The following ADGRV1 variants were observed in gnomAD, a reference collection of about 807,000 sequenced individuals.
The protein encoded by ADGRV1 is G-protein coupled receptor 98.
A neutral mutation model predicts 596.2 loss-of-function variants in ADGRV1; 359 were observed. The ratio of observed to expected loss-of-function variants is 0.60; its 90% CI spans 0.55 to 0.66. The LOEUF (loss-of-function observed/expected upper bound fraction) is 0.66. Ranked by LOEUF, ADGRV1 falls within the 30% of genes least tolerant of loss-of-function variation. The pLI, the probability that ADGRV1 is intolerant of heterozygous loss-of-function variation, is 0.00. For missense variants in ADGRV1, 7,274 were observed against 7,575.6 expected, an observed-to-expected ratio of 0.96 and a Z score of 1.48; for synonymous variants, 2,681 against 2,679.2, an observed-to-expected ratio of 1.00 and a Z score of -0.02.
In ADGRV1 at chr5:90,854,061, G is replaced by A; in HGVS notation, c.17455-1G>A. 1.3e-6 allele frequency: 2 copies of A among 1,570,952 alleles called. No individual in the cohort carries two copies. The highest frequency in any genetic ancestry group is 1.7e-6 in the Non-Finnish European group (2 of 1,152,092). On this transcript the variant is annotated splice_acceptor_variant, in intron 80 of 89. Coordinates refer to ENST00000405460, the MANE Select transcript of ADGRV1 (RefSeq NM_032119.4). LOFTEE classifies it high-confidence loss of function. Reference sequence around the variant, plus strand: ...TATATGTTCTGTTTTTAACATTCTAGGTATTATCTTTGAGTGTGAAAGGTC... The same window carrying A: ...TATATGTTCTGTTTTTAACATTCTAAGTATTATCTTTGAGTGTGAAAGGTC...
intron 1 of ADGRV1, among the ~76,000 whole-genome samples, chr5:90,598,542 A>G (rs1375370407): frequency 6.6e-6 from 1 of 152,246 alleles, no homozygotes; most frequent in Non-Finnish European, 1.5e-5. Flanking sequence ...CTAGCGAGGC[A>G]CATGGGACAC....
intron 5 of ADGRV1, among the ~76,000 whole-genome samples, chr5:90,624,003 A>G (rs66977476): frequency 0.18 from 27,525 of 152,066 alleles, 2,651 homozygotes; most frequent in East Asian, 0.4. Context: ...ACATTAGAGT[A>G]TTAGCAATTT....
chr5:91,004,571 AATG>A (rs1176798864), intron 85 of ADGRV1, among the ~76,000 whole-genome samples: 17 of 145,876 alleles, frequency 1.2e-4, no homozygotes, highest in African/African-American at 4.5e-4. Flanking sequence ...AACATAGGAG[AATG>A]CTATAGACAT....
chr5:91,132,169 A>ACTGG (rs1794274842), intron 87 of ADGRV1, among the ~76,000 whole-genome samples: 1 of 152,152 alleles, frequency 6.6e-6, no homozygotes, highest in Non-Finnish European at 1.5e-5. Context: ...CTTGACTCTC[A>ACTGG]CTGGCTACCT....
chr5:91,029,511 A>G (rs1784309776), intron 85 of ADGRV1, among the ~76,000 whole-genome samples: 1 of 152,172 alleles, frequency 6.6e-6, no homozygotes, highest in Non-Finnish European at 1.5e-5. Flanking sequence ...GCTTGACCTC[A>G]TGTAGATATA....
intron 75 of ADGRV1, among the ~76,000 whole-genome samples, chr5:90,818,692 G>A (rs1763164821): frequency 6.7e-6 from 1 of 149,108 alleles, no homozygotes; most frequent in South Asian, 2.2e-4. Context: ...TTTGTCTTTG[G>A]CTCTGTTTAT....
In ADGRV1 at chr5:90,750,643, C is replaced by A; in HGVS notation, c.11067C>A (p.Thr3689=). 1 of 1,612,418 alleles carries A rather than the reference C, an allele frequency of 6.2e-7. No homozygotes were observed. Residue 3689 remains threonine, a synonymous_variant, in exon 53 of 90, where the codon ACC becomes ACA. Coordinates refer to ENST00000405460, the MANE Select transcript of ADGRV1 (RefSeq NM_032119.4). ...ERLKGTYGRI[T]IAWEADGSIS... Reference sequence around the variant, plus strand: ...TAAAAGGAACATATGGCCGTATAACCATAGCATGGGAAGCTGATGGAAGTA... The same window carrying A: ...TAAAAGGAACATATGGCCGTATAACAATAGCATGGGAAGCTGATGGAAGTA...
intron 84 of ADGRV1, among the ~76,000 whole-genome samples, chr5:90,974,179 A>G (rs1779335307): frequency 6.6e-6 from 1 of 152,150 alleles, no homozygotes; most frequent in Admixed American, 6.5e-5. Flanking sequence ...ACTACAAACC[A>G]CTGCTCAATG....
chr5:91,024,330 C>T (rs1160736752), intron 85 of ADGRV1, among the ~76,000 whole-genome samples: 6 of 152,132 alleles, frequency 3.9e-5, no homozygotes. Flanking sequence ...TTTAGAAACA[C>T]AAGCAGCCTC....
chr5:91,163,678 T>C, intron 89 of ADGRV1, 104 bp from the exon 90 acceptor site: 2 of 544,922 alleles, frequency 3.7e-6, no homozygotes, highest in South Asian at 6.2e-5. Context: ...TATTTTTTAC[T>C]AATATAATAG....
intron 87 of ADGRV1, among the ~76,000 whole-genome samples, chr5:91,139,060 C>T (rs767649342): frequency 2.0e-4 from 30 of 152,254 alleles, no homozygotes; most frequent in Middle Eastern, 3.4e-3. Context: ...CGTGAGCCAC[C>T]GCGCCCACTG....
At chr5:90,943,682 C>G (rs1776345647) in intron 83 of ADGRV1, among the ~76,000 whole-genome samples, 1 of 152,150 alleles carries the variant, frequency 6.6e-6, no homozygotes, top group South Asian at 2.1e-4. Flanking sequence ...AGAATCCTTC[C>G]TGGCCTCCTT....
chr5:90,896,664 A>G (rs1450101676), intron 83 of ADGRV1, among the ~76,000 whole-genome samples: 1 of 152,214 alleles, frequency 6.6e-6, no homozygotes, highest in Non-Finnish European at 1.5e-5. Flanking sequence ...GTATCAGGCA[A>G]GTTGACACCC....
At position 90,706,276 on chromosome 5, in the gene ADGRV1, T is replaced by A. The variant is rs753192890; in HGVS notation, c.8612T>A (p.Leu2871Gln). The A allele has an allele frequency of 1.9e-6, 3 of 1,613,336 alleles. No homozygotes were observed. The highest frequency in any genetic ancestry group is 2.5e-6 in the Non-Finnish European group (3 of 1,179,634). Residue 2871 changes from leucine (L) to glutamine (Q), a missense_variant, in exon 38 of 90, where the codon CTG becomes CAG. Physicochemically the swap from Leu to Gln is moderately radical, Grantham distance 113 (BLOSUM62 -2). Around this residue, in one of 5 missense-constraint regions of ADGRV1, gnomAD observed 3,643 missense variants for 3,809.2 expected, o/e 0.96. Coordinates refer to ENST00000405460, the MANE Select transcript of ADGRV1 (RefSeq NM_032119.4). ...ACCACGGTTCCTGGAATGCTGAGTC[T>A]GAAGAACCAAACAGTAGGAAACCTA... Reference protein sequence around the residue: ...TYTTVPGMLSLKNQTVGNLAE... With the variant: ...TYTTVPGMLSQKNQTVGNLAE...
chr5:90,986,514 C>A (rs905755269), intron 85 of ADGRV1, among the ~76,000 whole-genome samples: 1 of 152,026 alleles, frequency 6.6e-6, no homozygotes, highest in Non-Finnish European at 1.5e-5. Context: ...ATACCCCATA[C>A]CACATTCAGA....
At chr5:90,712,521 G>A (rs1023844055) in intron 42 of ADGRV1, 93 bp downstream of exon 42, 42 of 937,872 alleles carry the variant, frequency 4.5e-5, no homozygotes, top group Non-Finnish European at 6.5e-5. Flanking sequence ...AGTCTTGGTG[G>A]TTTTCTGTGC....
chr5:90,885,319 G>A (rs1024731898), intron 83 of ADGRV1, among the ~76,000 whole-genome samples: 7 of 152,144 alleles, frequency 4.6e-5, no homozygotes, highest in African/African-American at 1.7e-4. Context: ...GTTCCCAGGT[G>A]ATTAACTCAA....
chr5:91,130,889 C>G (rs1220227180), intron 87 of ADGRV1, among the ~76,000 whole-genome samples: 1 of 152,214 alleles, frequency 6.6e-6, no homozygotes, highest in Non-Finnish European at 1.5e-5. Context: ...TTCTGTTTCT[C>G]TATTAATTTG....
intron 84 of ADGRV1, among the ~76,000 whole-genome samples, chr5:90,976,427 A>G (rs893168375): frequency 1.3e-5 from 2 of 150,326 alleles, no homozygotes; most frequent in Non-Finnish European, 3.0e-5. Flanking sequence ...TGATTATTAC[A>G]TAAGTTATTT....
Sources: allele counts gnomAD v4.1 joint callset (sites outside exome capture counted in the v4.1 genomes callset), GRCh38; gene constraint gnomAD v4.1.1; regional missense constraint gnomAD v4.1.1; transcripts MANE v1.5; gene names NCBI Gene and HGNC (gene_info 2026-07-23, HGNC 2026-07-21).